The following CNIH3 variants were observed in gnomAD, a reference collection of about 807,000 sequenced individuals.
CNIH3 encodes cornichon family AMPA receptor auxiliary protein 3, also known as protein cornichon homolog 3.
A neutral mutation model predicts 24.1 loss-of-function variants in CNIH3; 14 were observed. That is an observed-to-expected ratio of 0.58 (90% CI 0.38 to 0.91). The LOEUF (loss-of-function observed/expected upper bound fraction) is 0.91, where lower values mean the gene tolerates loss of function less well. Among genes scored for constraint, CNIH3 ranks in the 40% least tolerant of loss-of-function variants. The pLI is 0.00. For missense variants in CNIH3, 178 were observed against 196.8 expected (o/e 0.90, Z 0.57); for synonymous variants, 68 against 73.8 (o/e 0.92, Z 0.40).
chr1:224,498,802 C>T (rs146107057), intron 1 of CNIH3, among the ~76,000 whole-genome samples: 1 of 152,368 alleles, frequency 6.6e-6, no homozygotes, highest in Non-Finnish European at 1.5e-5. Flanking sequence ...CTGGCGTCAT[C>T]AGCCCAGTGC....
intron 1 of CNIH3, among the ~76,000 whole-genome samples, chr1:224,644,694 A>G (rs796067561): frequency 6.6e-6 from 1 of 152,166 alleles, no homozygotes; most frequent in Non-Finnish European, 1.5e-5. Flanking sequence ...CTGTATGCCA[A>G]ACAATTTTTT....
intron 1 of CNIH3, among the ~76,000 whole-genome samples, chr1:224,448,714 A>T (rs1675262942): frequency 6.6e-6 from 1 of 152,180 alleles, no homozygotes; most frequent in Non-Finnish European, 1.5e-5. Context: ...CATTTCATGT[A>T]CCCACACCAG....
chr1:224,638,241 G>T (rs556138276), intron 1 of CNIH3, among the ~76,000 whole-genome samples: 2 of 152,210 alleles, frequency 1.3e-5, no homozygotes, highest in Admixed American at 6.5e-5. Flanking sequence ...GCGCACCCAG[G>T]GGGAGGCCGG....
intron 1 of CNIH3, among the ~76,000 whole-genome samples, chr1:224,467,741 A>G (rs1267875240): frequency 6.6e-6 from 1 of 151,264 alleles, no homozygotes; most frequent in Non-Finnish European, 1.5e-5. Flanking sequence ...TAGTTTTGAT[A>G]TCAAGTTGAA....
Position 224,730,520 on chromosome 1 carries a change from A to G in CNIH3, c.257A>G (p.Gln86Arg). Reference sequence around the variant, plus strand: ...TTCTGCATTATGTTCCTGTGTGCGCAAGAGTGGCTCACGCTGGGGCTGAAT... The same window carrying G: ...TTCTGCATTATGTTCCTGTGTGCGCGAGAGTGGCTCACGCTGGGGCTGAAT... The part of the protein sequence containing the change: ...SLFCIMFLCA[Q>R]EWLTLGLNVP... The change falls in exon 4 of 6, where the codon CAA becomes CGA. Residue 86 changes from glutamine (Q) to arginine (R), a missense_variant. Transcript: ENST00000272133. 1.3e-6 allele frequency: 2 copies of G among 1,562,200 alleles called. No homozygotes were observed. Among genetic ancestry groups the G allele is most frequent in the Non-Finnish European group, 1.7e-6 (2 of 1,151,722 alleles).
chr1:224,463,966 T>G (rs1676051434), intron 1 of CNIH3, among the ~76,000 whole-genome samples: 1 of 149,528 alleles, frequency 6.7e-6, no homozygotes, highest in Admixed American at 6.7e-5. Context: ...AATTTTTGTG[T>G]TTTTAGTAGA....
intron 3 of CNIH3, among the ~76,000 whole-genome samples, chr1:224,687,200 C>A (rs1034856637): frequency 1.3e-5 from 2 of 152,214 alleles, no homozygotes; most frequent in African/African-American, 4.8e-5. Flanking sequence ...CACCTCTTCA[C>A]TAACTCAAGG....
At chr1:224,561,751 C>T (rs1680382639) in intron 3 of CNIH3, among the ~76,000 whole-genome samples, 1 of 152,198 alleles carries the variant, frequency 6.6e-6, no homozygotes, top group Non-Finnish European at 1.5e-5. Flanking sequence ...TCTATCCTGC[C>T]CAAGTATCTC....
At chr1:224,579,025 G>T (rs1316389052) in intron 4 of CNIH3, among the ~76,000 whole-genome samples, 1 of 146,192 alleles carries the variant, frequency 6.8e-6, no homozygotes, top group Admixed American at 6.8e-5. Flanking sequence ...GAAATTTTTT[G>T]TTCAGATGTT....
intron 3 of CNIH3, among the ~76,000 whole-genome samples, chr1:224,564,312 T>C (rs1022751160): frequency 3.9e-5 from 6 of 152,216 alleles, no homozygotes; most frequent in Non-Finnish European, 5.9e-5. Flanking sequence ...ACTATATCTC[T>C]GGTTTTCTAA....
chr1:224,476,720 A>G (rs1325041283), intron 1 of CNIH3, among the ~76,000 whole-genome samples: 2 of 152,198 alleles, frequency 1.3e-5, no homozygotes, highest in Non-Finnish European at 2.9e-5. Flanking sequence ...TAAAATATCC[A>G]TACCACCCAA....
intron 1 of CNIH3, among the ~76,000 whole-genome samples, chr1:224,456,379 A>G (rs1675653865): frequency 6.6e-6 from 1 of 152,186 alleles, no homozygotes; most frequent in South Asian, 2.1e-4. Flanking sequence ...ACAAGTGCCA[A>G]TGGGACATGT....
intron 2 of CNIH3, among the ~76,000 whole-genome samples, chr1:224,524,989 G>A (rs1678789289): frequency 6.6e-6 from 1 of 152,172 alleles, no homozygotes; most frequent in Non-Finnish European, 1.5e-5. Context: ...TAGCGGTTGG[G>A]TGCTCTCTTG....
At chr1:224,699,193 C>T (rs1042347916) in intron 3 of CNIH3, among the ~76,000 whole-genome samples, 5 of 152,290 alleles carry the variant, frequency 3.3e-5, no homozygotes, top group Admixed American at 2.0e-4. Context: ...TAGCCTCATG[C>T]GGATGGGCCC....
At chr1:224,642,794 T>C (rs545021544) in intron 1 of CNIH3, among the ~76,000 whole-genome samples, 16 of 152,338 alleles carry the variant, frequency 1.1e-4, no homozygotes, top group African/African-American at 2.6e-4. Flanking sequence ...GAGGCTGTTA[T>C]GAAAGAAAAC....
At chr1:224,558,601 C>T (rs1035416832) in intron 3 of CNIH3, among the ~76,000 whole-genome samples, 20 of 152,206 alleles carry the variant, frequency 1.3e-4, no homozygotes, top group Non-Finnish European at 7.3e-5. Flanking sequence ...ATAAAATTCT[C>T]TTCCCCACTG....
chr1:224,680,377 T>G (rs577844406), intron 1 of CNIH3, among the ~76,000 whole-genome samples: 37 of 152,234 alleles, frequency 2.4e-4, no homozygotes, highest in Non-Finnish European at 3.4e-4. Flanking sequence ...GTTCTGAGTC[T>G]TCATCCAAAA....
upstream of CNIH3, among the ~76,000 whole-genome samples, chr1:224,614,728 C>A (rs1304481297): frequency 6.6e-6 from 1 of 151,906 alleles, no homozygotes; most frequent in African/African-American, 2.4e-5. Flanking sequence ...GTGGGTAGAT[C>A]ACGAGGTCAA....
At chr1:224,624,141 C>T (rs1219329812) in intron 1 of CNIH3, among the ~76,000 whole-genome samples, 15 of 152,210 alleles carry the variant, frequency 9.9e-5, no homozygotes, top group Non-Finnish European at 2.1e-4. Flanking sequence ...GGCCACCTGA[C>T]TTGTGCCCCC....
Sources: allele counts gnomAD v4.1 joint callset (sites outside exome capture counted in the v4.1 genomes callset), GRCh38; gene constraint gnomAD v4.1.1; transcripts MANE v1.5; gene names NCBI Gene and HGNC (gene_info 2026-07-23, HGNC 2026-07-21).